PCDHGA6: variants seen among roughly 807,000 people sequenced by gnomAD.
The protein encoded by PCDHGA6 is protocadherin gamma subfamily A, 6, also known as protocadherin gamma-A6.
Under a neutral mutation model 60.6 loss-of-function variants are expected in PCDHGA6, and 41 were observed. The observed-to-expected ratio is 0.68, with a 90% confidence interval of 0.53 to 0.88. The LOEUF is 0.88. Ranked by LOEUF, PCDHGA6 falls within the 40% of genes least tolerant of loss-of-function variation. PCDHGA6 has a pLI of 0.00. For missense variants in PCDHGA6, 1,312 were observed against 1,203.0 expected, an observed-to-expected ratio of 1.09 and a Z score of -1.34; for synonymous variants, 594 against 524.4, an observed-to-expected ratio of 1.13 and a Z score of -1.81.
chr5:141,389,147 G>A (rs530113846), intron 1 of PCDHGA6: 2 of 1,613,986 alleles, frequency 1.2e-6, no homozygotes, highest in South Asian at 1.1e-5. Flanking sequence ...TAACCGTTAC[G>A]GCAACAGATC....
chr5:141,494,100 G>A (rs559145191), intron 1 of PCDHGA6, among the ~76,000 whole-genome samples: 7 of 152,270 alleles, frequency 4.6e-5, no homozygotes, highest in South Asian at 2.1e-4. Flanking sequence ...ATTTTTCTCC[G>A]TCTCAGACAG....
intron 1 of PCDHGA6, chr5:141,475,986 G>T: frequency 2.8e-6 from 3 of 1,089,866 alleles, no homozygotes; most frequent in Non-Finnish European, 3.9e-6. Context: ...CAGCCGGCGA[G>T]CAAATCAACG....
At chr5:141,393,285 G>A (rs771057124) in intron 1 of PCDHGA6, 2 of 1,613,966 alleles carry the variant, frequency 1.2e-6, no homozygotes, top group Non-Finnish European at 1.7e-6. Context: ...CCCAGAAGCT[G>A]TTGACCCGGA....
At chr5:141,506,863 G>A (rs1162975959) in intron 3 of PCDHGA6, among the ~76,000 whole-genome samples, 1 of 152,120 alleles carries the variant, frequency 6.6e-6, no homozygotes, top group Non-Finnish European at 1.5e-5. Context: ...GAGGACTGGT[G>A]GGTAGAGAAC....
At chr5:141,392,649 C>T in intron 1 of PCDHGA6, 1 of 703,200 alleles carries the variant, frequency 1.4e-6, no homozygotes, top group South Asian at 2.2e-5. Flanking sequence ...CACGAAGACC[C>T]GCAGATGCCA....
At chr5:141,419,620 G>A (rs776986192) in intron 1 of PCDHGA6, 9 of 1,612,304 alleles carry the variant, frequency 5.6e-6, no homozygotes, top group Non-Finnish European at 7.6e-6. Context: ...CAGGCTACCT[G>A]GTGACCAAGG....
intron 1 of PCDHGA6, chr5:141,409,628 G>A (rs367728235): frequency 1.2e-6 from 2 of 1,613,730 alleles, no homozygotes; most frequent in Non-Finnish European, 1.7e-6. Context: ...GCAAGTGAGC[G>A]CCTCTGACCC....
chr5:141,397,609 G>A (rs2093544805), intron 1 of PCDHGA6, among the ~76,000 whole-genome samples: 1 of 152,186 alleles, frequency 6.6e-6, no homozygotes. Flanking sequence ...AGTGACAAGG[G>A]CAATACTTAG....
chr5:141,389,356 C>A (rs188323445), intron 1 of PCDHGA6: 4 of 1,613,916 alleles, frequency 2.5e-6, no homozygotes, highest in Non-Finnish European at 3.4e-6. Flanking sequence ...TGCATCATGG[C>A]CAGTGACCTG....
chr5:141,485,930 G>A lies in PCDHGA6; in HGVS notation c.2425-8877G>A. ...ATCCAGCTACAGGATTAGTGTGTTG[G>A]AGAGCGCACCAGCGGGCATGGTGCT... On this transcript the variant is annotated intron_variant, in intron 1 of 3. Transcript: ENST00000517434. This position sits in a 1 kb window ranked among gnomAD's most constrained non-coding sequence, Gnocchi z 5.7. The A allele has an allele frequency of 6.2e-7, 1 of 1,614,178 alleles. No homozygotes were observed. Among genetic ancestry groups the A allele is most frequent in the Non-Finnish European group, 8.5e-7 (1 of 1,180,042 alleles).
rs780836649 is a variant in PCDHGA6 at position 141,414,681 on chromosome 5, G to C, written c.2424+38174G>C. 38 of 1,613,836 alleles carry C rather than the reference G, an allele frequency of 2.4e-5. 1 individual carries two copies. The East Asian group carries it at 8.5e-4, about 36-fold the overall frequency. ...CCCTGGCTGAAGACACCATCCAGGG[G>C]GTACCTCTGTCCTCATACATATCCA... On this transcript the variant is annotated intron_variant, in intron 1 of 3. Coordinates refer to ENST00000517434, the MANE Select transcript of PCDHGA6 (RefSeq NM_018919.3).
At chr5:141,441,744 G>A (rs913393900) in intron 1 of PCDHGA6, 7 of 366,408 alleles carry the variant, frequency 1.9e-5, no homozygotes, top group African/African-American at 1.1e-4. Context: ...GCTCGCGCTC[G>A]GCGTCAACGT....
Position 141,485,784 on chromosome 5 carries a change from A to G in PCDHGA6, c.2425-9023A>G, listed in dbSNP as rs760859851. The G allele has an allele frequency of 1.9e-6, 3 of 1,614,096 alleles. No individual in the cohort carries two copies. The African/African-American group carries it at 4.0e-5, about 22-fold the overall frequency. On this transcript the variant is annotated intron_variant, in intron 1 of 3. Transcript: ENST00000517434. This position sits in a 1 kb window ranked among gnomAD's most constrained non-coding sequence, Gnocchi z 5.7. Reference sequence around the variant, plus strand: ...CTGGAGAAGCCTTTGGATCGAGAGAAGCAATCGGACTACCGCCTGGTGCTG... The same window carrying G: ...CTGGAGAAGCCTTTGGATCGAGAGAGGCAATCGGACTACCGCCTGGTGCTG...
chr5:141,403,135 GCGCCGAGTC>G, intron 1 of PCDHGA6: 4 of 1,614,064 alleles, frequency 2.5e-6, no homozygotes, highest in Non-Finnish European at 3.4e-6. Context: ...AGCTGGCGGA[GCGCCGAGTC>G]CGCATCGTCT....
rs1305419943 is a variant in PCDHGA6, at chr5:141,438,625, T to C, written c.2425-56182T>C. Among the ~76,000 whole-genome samples the C allele has an allele frequency of 9.7e-4, 45 of 46,410 alleles. 2 individuals are homozygous for C. Among genetic ancestry groups the C allele is most frequent in the Admixed American group, 2.2e-3 (7 of 3,192 alleles). The allele number at this position is 46,410 out of a possible 152,430, so 30.4% of individuals were successfully genotyped here. On this transcript the variant is annotated intron_variant, in intron 1 of 3. Coordinates refer to ENST00000517434, the MANE Select transcript of PCDHGA6 (RefSeq NM_018919.3). The stretch of plus-strand genomic sequence containing the variant: ...ATATATATATATATATATATATATA[T>C]ATATATATATACACACACACACACA...
At chr5:141,433,060 C>T in intron 1 of PCDHGA6, 1 of 1,614,198 alleles carries the variant, frequency 6.2e-7, no homozygotes, top group Non-Finnish European at 8.5e-7. Flanking sequence ...GGAAGAGTCA[C>T]CTGATCTTCC....
chr5:141,417,771 C>G, intron 1 of PCDHGA6: 1 of 1,456,488 alleles, frequency 6.9e-7, no homozygotes, highest in Non-Finnish European at 9.1e-7. Flanking sequence ...CGGGACTCCT[C>G]CTGTCCTGGG....
intron 1 of PCDHGA6, chr5:141,492,046 A>C: frequency 6.1e-6 from 3 of 494,434 alleles, no homozygotes; most frequent in South Asian, 8.1e-5. Flanking sequence ...TCACAGATCC[A>C]CCCCTGCAGC....
chr5:141,375,578 G>T lies in PCDHGA6; in HGVS notation c.1495G>T (p.Ala499Ser). ...YSLAEDTLQG[A>S]PLSSYVSINS... is the part of the protein sequence containing the mutation. ...ACTGGCAGAAGACACCCTCCAGGGG[G>T]CGCCCCTGTCCTCCTACGTGTCCAT... The change falls in exon 1 of 4, where the codon GCG (alanine) becomes TCG (serine). Residue 499 changes from alanine to serine, a missense_variant. Coordinates refer to ENST00000517434, the MANE Select transcript of PCDHGA6 (RefSeq NM_018919.3). 1 of 1,614,062 alleles carries T rather than the reference G, an allele frequency of 6.2e-7. No individual in the cohort carries two copies. The highest frequency in any genetic ancestry group is 8.5e-7 in the Non-Finnish European group (1 of 1,179,974).
Sources: gnomAD v4.1 joint callset for allele counts (sites outside exome capture counted in the v4.1 genomes callset) on GRCh38, gnomAD v4.1.1 for gene constraint, Gnocchi (gnomAD v3.1) non-coding constraint, MANE v1.5 for transcripts, NCBI Gene and HGNC (gene_info 2026-07-23, HGNC 2026-07-21) for gene names.